Variants in TDRD3 observed in about 807,000 individuals in gnomAD.
TDRD3 encodes the protein tudor domain-containing protein 3.
Under a neutral mutation model 86.7 loss-of-function variants are expected in TDRD3, and 45 were observed. That is an observed-to-expected ratio of 0.52 (90% confidence interval 0.41 to 0.67). TDRD3 has a LOEUF of 0.67. Among genes scored for constraint, TDRD3 ranks in the 30% least tolerant of loss-of-function variants. The pLI, the probability that TDRD3 is intolerant of heterozygous loss-of-function variation, is 0.00. For missense variants in TDRD3, 814 were observed against 889.0 expected (o/e 0.92, Z 1.07); for synonymous variants, 298 against 301.7 (o/e 0.99, Z 0.13).
chr13:60,569,668 CAG>C (rs1274429254), intron 13 of TDRD3, among the ~76,000 whole-genome samples: 1 of 152,152 alleles, frequency 6.6e-6, no homozygotes, highest in African/African-American at 2.4e-5. Context: ...TACCTAATTT[CAG>C]ATTATACTAC....
intron 1 of TDRD3, among the ~76,000 whole-genome samples, chr13:60,430,684 A>G (rs1337815476): frequency 6.6e-6 from 1 of 152,130 alleles, no homozygotes; most frequent in African/African-American, 2.4e-5. Flanking sequence ...TATATCAATT[A>G]TGGGATTTCA....
intron 3 of TDRD3, among the ~76,000 whole-genome samples, chr13:60,459,292 C>T (rs1955750424): frequency 6.6e-6 from 1 of 152,078 alleles, no homozygotes; most frequent in African/African-American, 2.4e-5. Context: ...AGCCTTTTTC[C>T]CCTAAGGTAT....
At chr13:60,558,949 C>T (rs1218039202) in intron 12 of TDRD3, among the ~76,000 whole-genome samples, 1 of 148,214 alleles carries the variant, frequency 6.7e-6, no homozygotes, top group Non-Finnish European at 1.5e-5. Flanking sequence ...TCATTTTTTT[C>T]CAAAGACATT....
At chr13:60,424,300 C>T (rs990240713) in intron 1 of TDRD3, among the ~76,000 whole-genome samples, 7 of 138,968 alleles carry the variant, frequency 5.0e-5, no homozygotes, top group Non-Finnish European at 7.8e-5. Context: ...GAATTACAGG[C>T]GTGAGCCACC....
intron 4 of TDRD3, among the ~76,000 whole-genome samples, chr13:60,461,975 G>T (rs1307221954): frequency 6.6e-6 from 1 of 152,158 alleles, no homozygotes; most frequent in East Asian, 1.9e-4. Flanking sequence ...TTGAGGCCTT[G>T]TATGACCTTT....
At chr13:60,461,949 G>C (rs901269220) in intron 4 of TDRD3, among the ~76,000 whole-genome samples, 1 of 152,168 alleles carries the variant, frequency 6.6e-6, no homozygotes, top group African/African-American at 2.4e-5. Context: ...GGGTATGCGA[G>C]AGGAAATGTG....
At chr13:60,563,817 C>A (rs915575985) in intron 12 of TDRD3, among the ~76,000 whole-genome samples, 1 of 152,144 alleles carries the variant, frequency 6.6e-6, no homozygotes, top group African/African-American at 2.4e-5. Context: ...TTTTATAACA[C>A]GGCTCATTTA....
chr13:60,538,383 A>ATTTTT lies in TDRD3; in HGVS notation c.2118+3160_2118+3164dup, dbSNP rs34945980. On this transcript the variant is annotated intron_variant, in intron 12 of 13. Transcript: ENST00000377881. Reference sequence around the variant, plus strand: ...TTTGTTCTAGCTAGATTTCACCTGTATTTTTTTTTTTTTTGGCTGTCTTAA... The same window carrying ATTTTT: ...TTTGTTCTAGCTAGATTTCACCTGTATTTTTTTTTTTTTTTTTTTGGCTGTCTTAA... Among the ~76,000 whole-genome samples, 671 of 138,672 alleles carry ATTTTT rather than the reference A, an allele frequency of 4.8e-3. 3 individuals carry two copies. The highest frequency in any genetic ancestry group is 0.019 in the Middle Eastern group (5 of 262). 91.0% of individuals were successfully genotyped at this position (138,672 alleles called of 152,430 possible).
chr13:60,471,308 GA>G (rs1194271077), intron 5 of TDRD3, among the ~76,000 whole-genome samples: 2 of 152,098 alleles, frequency 1.3e-5, no homozygotes, highest in East Asian at 3.9e-4. Flanking sequence ...TGTTCTTAAT[GA>G]ATGATCTTGT....
intron 1 of TDRD3, among the ~76,000 whole-genome samples, chr13:60,417,605 G>C (rs544596372): frequency 1.3e-5 from 2 of 152,138 alleles, no homozygotes; most frequent in Non-Finnish European, 2.9e-5. Flanking sequence ...GCCTCCCAAA[G>C]TGTTGGGATT....
At chr13:60,475,597 C>T (rs1956167386) in intron 5 of TDRD3, among the ~76,000 whole-genome samples, 1 of 151,944 alleles carries the variant, frequency 6.6e-6, no homozygotes. Flanking sequence ...TAGTTGAACT[C>T]TTAGTTCTTT....
chr13:60,526,351 A>G (rs1488444214), intron 10 of TDRD3, among the ~76,000 whole-genome samples: 1 of 152,206 alleles, frequency 6.6e-6, no homozygotes, highest in Non-Finnish European at 1.5e-5. Flanking sequence ...AATACATAGC[A>G]GATAATCAAC....
chr13:60,437,040 A>G (rs1311545757), intron 1 of TDRD3, among the ~76,000 whole-genome samples: 2 of 151,410 alleles, frequency 1.3e-5, no homozygotes, highest in African/African-American at 2.4e-5. Flanking sequence ...CTGATTAGGA[A>G]ACTGATTTGG....
intron 12 of TDRD3, among the ~76,000 whole-genome samples, chr13:60,550,766 G>T (rs1958031433): frequency 6.6e-6 from 1 of 152,018 alleles, no homozygotes; most frequent in Admixed American, 6.6e-5. Flanking sequence ...ACTCAAACCA[G>T]TAAAAGAAAA....
At chr13:60,490,121 G>A (rs1956553142) in intron 7 of TDRD3, among the ~76,000 whole-genome samples, 1 of 146,210 alleles carries the variant, frequency 6.8e-6, no homozygotes, top group Non-Finnish European at 1.5e-5. Flanking sequence ...AATTTATGGA[G>A]GCTTAAAACT....
At chr13:60,545,127 A>C (rs1451259746) in intron 12 of TDRD3, among the ~76,000 whole-genome samples, 1 of 152,178 alleles carries the variant, frequency 6.6e-6, no homozygotes, top group Non-Finnish European at 1.5e-5. Context: ...AGGGATTAAA[A>C]GGATATAAGA....
intron 7 of TDRD3, among the ~76,000 whole-genome samples, chr13:60,488,163 C>G (rs1411237765): frequency 2.0e-5 from 3 of 152,066 alleles, no homozygotes; most frequent in Admixed American, 6.5e-5. Context: ...AAATCCATCT[C>G]CCTGATGGGC....
intron 5 of TDRD3, among the ~76,000 whole-genome samples, chr13:60,469,440 A>G (rs564940864): frequency 7.2e-5 from 11 of 152,016 alleles, no homozygotes; most frequent in African/African-American, 2.4e-4. Flanking sequence ...ACACATACAC[A>G]CACACACACA....
chr13:60,512,921 A>C lies in TDRD3; in HGVS notation c.1141+2166A>C, dbSNP rs77051920. Among the ~76,000 whole-genome samples the C allele has an allele frequency of 5.0e-3, 757 of 152,286 alleles. 3 individuals are homozygous for C. The highest frequency in any genetic ancestry group is 0.024 in the Middle Eastern group (7 of 294). ...TGGAGGATGGTGGCCCTCTTCTTAT[A>C]GCTCCACTGAGCAGTGCCCAGTGGT... is the stretch of plus-strand genomic sequence containing the variant. On this transcript the variant is annotated intron_variant, in intron 10 of 13. Transcript: ENST00000377881.
Sources: gnomAD v4.1 joint callset for allele counts (sites outside exome capture counted in the v4.1 genomes callset) on GRCh38, gnomAD v4.1.1 for gene constraint, MANE v1.5 for transcripts, NCBI Gene and HGNC (gene_info 2026-07-23, HGNC 2026-07-21) for gene names.